Variants in PPP2R2C observed in about 807,000 individuals in gnomAD.
PPP2R2C encodes protein phosphatase 2 regulatory subunit Bgamma.
Under a neutral mutation model 45.3 loss-of-function variants are expected in PPP2R2C, and 10 were observed. The observed-to-expected ratio is 0.22, with a 90% CI of 0.14 to 0.37. The LOEUF is 0.37. Among genes scored for constraint, PPP2R2C ranks in the 10% least tolerant of loss-of-function variants. The pLI, the probability that PPP2R2C is intolerant of heterozygous loss-of-function variation, is 1.00. For missense variants in PPP2R2C, 308 were observed against 619.7 expected, an observed-to-expected ratio of 0.50 and a Z score of 5.34; for synonymous variants, 257 against 245.4, an observed-to-expected ratio of 1.05 and a Z score of -0.44.
chr4:6,363,926 A>C (rs1458481246), intron 5 of PPP2R2C, among the ~76,000 whole-genome samples: 1 of 152,178 alleles, frequency 6.6e-6, no homozygotes, highest in Non-Finnish European at 1.5e-5. Context: ...CTTTCCATCA[A>C]GGACTTTCTA....
At chr4:6,419,442 AG>A (rs200876904) in intron 1 of PPP2R2C, among the ~76,000 whole-genome samples, 1 of 150,906 alleles carries the variant, frequency 6.6e-6, no homozygotes, top group Admixed American at 6.7e-5. Flanking sequence ...AAGAAAGAAA[AG>A]AAAAGAAAAG....
intron 1 of PPP2R2C, among the ~76,000 whole-genome samples, chr4:6,463,589 C>A (rs1386952158): frequency 1.3e-5 from 2 of 152,256 alleles, no homozygotes; most frequent in African/African-American, 4.8e-5. Flanking sequence ...CCAGGTGTGT[C>A]CTGCTCCCGG....
intron 2 of PPP2R2C, among the ~76,000 whole-genome samples, chr4:6,508,214 G>A (rs923570048): frequency 1.3e-5 from 2 of 152,228 alleles, no homozygotes; most frequent in Admixed American, 1.3e-4. Context: ...GTGATGGTCA[G>A]GCGGTTATTA....
At chr4:6,529,416 G>A (rs963615358) in intron 2 of PPP2R2C, among the ~76,000 whole-genome samples, 41 of 152,240 alleles carry the variant, frequency 2.7e-4, no homozygotes, top group South Asian at 2.1e-4. Flanking sequence ...TAGTCAATGC[G>A]TGCACACCAT....
chr4:6,558,610 C>T lies in PPP2R2C; in HGVS notation c.-59+4950G>A, dbSNP rs561472393. ...ACTAGGTTGGATTTCAGATTCTTGC[C>T]GCAGAAAGATTCTTTGGCAGCCAGG... is the stretch of plus-strand genomic sequence containing the variant. On this transcript the variant is annotated intron_variant, in intron 1 of 9. Coordinates refer to the PPP2R2C transcript ENST00000506140. Among the ~76,000 whole-genome samples the T allele has an allele frequency of 5.9e-5, 9 of 152,276 alleles. No individual in the cohort carries two copies. The South Asian group carries it at 8.3e-4, about 14-fold the overall frequency.
chr4:6,486,730 C>T (rs1158106653), intron 2 of PPP2R2C, among the ~76,000 whole-genome samples: 1 of 151,918 alleles, frequency 6.6e-6, no homozygotes, highest in Non-Finnish European at 1.5e-5. Context: ...ACTTTTAACT[C>T]TTGTCTTTAT....
chr4:6,323,510 C>T lies in PPP2R2C; in HGVS notation c.1136G>A (p.Arg379Lys), dbSNP rs752589937. Residue 379 changes from arginine (R) to lysine (K), a missense_variant, in exon 9 of 9, where the codon AGG (arginine) becomes AAG (lysine). Coordinates refer to ENST00000382599, the MANE Select transcript of PPP2R2C (RefSeq NM_020416.4). The part of the protein sequence containing the change: ...TKRDVTLEAS[R>K]ESSKPRAVLK... ...CACAGCCCGGGGCTTGCTGCTTTCCCTCGAGGCCTCCAGGGTCACGTCCCG... is the reference window on the plus strand; with the variant it reads ...CACAGCCCGGGGCTTGCTGCTTTCCTTCGAGGCCTCCAGGGTCACGTCCCG... The T allele has an allele frequency of 3.1e-6, 5 of 1,606,456 alleles. No homozygotes were observed. Among genetic ancestry groups the T allele is most frequent in the Admixed American group, 1.7e-5 (1 of 59,880 alleles).
chr4:6,429,379 C>G (rs180990443), intron 1 of PPP2R2C, among the ~76,000 whole-genome samples: 1 of 152,150 alleles, frequency 6.6e-6, no homozygotes, highest in Admixed American at 6.5e-5. Flanking sequence ...TTCAGGCCCT[C>G]GTACCTGGTA....
At chr4:6,415,233 AGCCG>A (rs946815325) in intron 1 of PPP2R2C, among the ~76,000 whole-genome samples, 5 of 152,226 alleles carry the variant, frequency 3.3e-5, no homozygotes, top group African/African-American at 1.2e-4. Context: ...CCACTGTTAC[AGCCG>A]GCCTGGGGGC....
chr4:6,433,967 T>C (rs1252997881), intron 1 of PPP2R2C, among the ~76,000 whole-genome samples: 1 of 152,122 alleles, frequency 6.6e-6, no homozygotes, highest in Non-Finnish European at 1.5e-5. Flanking sequence ...ACAGTGAAAA[T>C]AAGTCTCCCT....
chr4:6,373,670 G>A (rs1715044303), intron 4 of PPP2R2C, among the ~76,000 whole-genome samples: 1 of 152,238 alleles, frequency 6.6e-6, no homozygotes, highest in African/African-American at 2.4e-5. Flanking sequence ...GAGCTCTCAG[G>A]GAACAGCTGA....
intron 1 of PPP2R2C, among the ~76,000 whole-genome samples, chr4:6,465,465 C>A (rs1056678693): frequency 1.3e-5 from 2 of 152,208 alleles, no homozygotes; most frequent in African/African-American, 4.8e-5. Context: ...AAGGAGTTCA[C>A]CCTACCCAGA....
chr4:6,376,034 G>A, intron 3 of PPP2R2C, 103 bp from the exon 4 acceptor site: 1 of 966,152 alleles, frequency 1.0e-6, no homozygotes, highest in South Asian at 1.5e-5. Flanking sequence ...TCCTGGGGAA[G>A]GAGGGGGTTC....
In PPP2R2C at chr4:6,508,567, C is replaced by A. The variant is rs11737367; in HGVS notation, c.49+26704G>T. Among the ~76,000 whole-genome samples, 9 of 151,636 alleles carry A rather than the reference C, an allele frequency of 5.9e-5. No homozygotes were observed. The East Asian group carries it at 1.6e-3, about 26-fold the overall frequency. On this transcript the variant is annotated intron_variant, in intron 2 of 9. Transcript: ENST00000506140. ...TCGTGCCACTGCACTCCAGCCCTGG[C>A]GACGGAGTGAGACTCCATCTCAAAA...
intron 2 of PPP2R2C, among the ~76,000 whole-genome samples, chr4:6,518,922 T>TAAAAAAA (rs56002128): frequency 1.7e-3 from 154 of 92,838 alleles, no homozygotes; most frequent in Non-Finnish European, 2.2e-3. Flanking sequence ...GACTCTGTCT[T>TAAAAAAA]AAAAAAAAAA....
At chr4:6,425,812 G>GCT (rs1398084597) in intron 1 of PPP2R2C, among the ~76,000 whole-genome samples, 1 of 138,620 alleles carries the variant, frequency 7.2e-6, no homozygotes, top group Admixed American at 8.1e-5. Flanking sequence ...TCGATGCTTG[G>GCT]CTGTGTGTGT....
At chr4:6,489,286 T>G (rs1169543744) in intron 2 of PPP2R2C, among the ~76,000 whole-genome samples, 1 of 152,234 alleles carries the variant, frequency 6.6e-6, no homozygotes, top group African/African-American at 2.4e-5. Flanking sequence ...TCATGCCATT[T>G]TTTTTACTTG....
chr4:6,457,821 A>T lies in PPP2R2C; in HGVS notation c.70+14339T>A, dbSNP rs533453283. 1.8e-4 allele frequency among the ~76,000 whole-genome samples: 28 copies of T among 152,352 alleles called. 1 individual carries two copies. Among genetic ancestry groups the T allele is most frequent in the East Asian group, 1.2e-3 (6 of 5,182 alleles). On this transcript the variant is annotated intron_variant, in intron 1 of 8. Transcript: ENST00000382599. Reference sequence around the variant, plus strand: ...ACAGTGCTCGCTACTGTTATTGTATACCTTACGATACCAAAAAAGCACCCT... The same window carrying T: ...ACAGTGCTCGCTACTGTTATTGTATTCCTTACGATACCAAAAAAGCACCCT...
intron 1 of PPP2R2C, among the ~76,000 whole-genome samples, chr4:6,556,479 C>G (rs898772203): frequency 6.6e-6 from 1 of 152,190 alleles, no homozygotes; most frequent in South Asian, 2.1e-4. Context: ...CTTCTCAGCT[C>G]CATAACTGCC....
Sources: gnomAD v4.1 joint callset for allele counts (sites outside exome capture counted in the v4.1 genomes callset) on GRCh38, gnomAD v4.1.1 for gene constraint, MANE v1.5 for transcripts, NCBI Gene and HGNC (gene_info 2026-07-23, HGNC 2026-07-21) for gene names.